The following KAT6A variants were observed in gnomAD, a reference collection of about 807,000 sequenced individuals.
The protein encoded by KAT6A is lysine acetyltransferase 6A, also known as histone acetyltransferase KAT6A.
KAT6A carries 9 observed loss-of-function variants against 198.4 expected under a neutral mutation model. The ratio of observed to expected loss-of-function variants is 0.05; its 90% CI spans 0.03 to 0.08. The LOEUF is 0.08. KAT6A is among the 10% of genes least tolerant of loss of function. The pLI, the probability that KAT6A is intolerant of heterozygous loss-of-function variation, is 1.00. For missense variants in KAT6A, 2,077 were observed against 2,509.9 expected, an observed-to-expected ratio of 0.83 and a Z score of 3.69; for synonymous variants, 890 against 883.0, an observed-to-expected ratio of 1.01 and a Z score of -0.14.
intron 2 of KAT6A, among the ~76,000 whole-genome samples, chr8:42,010,222 T>C (rs901353690): frequency 2.0e-5 from 3 of 152,214 alleles, no homozygotes; most frequent in Admixed American, 6.5e-5. Flanking sequence ...AGAGAATCGC[T>C]TGAACCCAGG....
At chr8:41,997,103 A>G (rs1825252958) in intron 2 of KAT6A, among the ~76,000 whole-genome samples, 1 of 152,218 alleles carries the variant, frequency 6.6e-6, no homozygotes, top group South Asian at 2.1e-4. Flanking sequence ...GATGGAAAAG[A>G]AATTGATGGT....
At chr8:41,952,665 T>G (rs1822723139) in intron 9 of KAT6A, among the ~76,000 whole-genome samples, 1 of 152,210 alleles carries the variant, frequency 6.6e-6, no homozygotes, top group South Asian at 2.1e-4. Context: ...TACGTTACAG[T>G]GTTTGAAACC....
chr8:41,942,054 T>A (rs1355442039), intron 14 of KAT6A: 1 of 186,832 alleles, frequency 5.4e-6, no homozygotes, highest in African/African-American at 2.3e-5. Flanking sequence ...AGGCATGGGA[T>A]TTTTTATGTT....
At chr8:41,966,082 T>C (rs918453046) in intron 8 of KAT6A, among the ~76,000 whole-genome samples, 1 of 152,188 alleles carries the variant, frequency 6.6e-6, no homozygotes, top group Admixed American at 6.5e-5. Flanking sequence ...GGCAAGTCAC[T>C]ATCAGATTTG....
chr8:41,948,236 G>A (rs950527335), intron 10 of KAT6A, among the ~76,000 whole-genome samples: 5 of 152,138 alleles, frequency 3.3e-5, no homozygotes, highest in South Asian at 2.1e-4. Context: ...AGCAAGTTTC[G>A]TTTTCAAAGT....
chr8:41,941,197 G>A lies in KAT6A; in HGVS notation c.2684C>T (p.Pro895Leu). 1 of 1,614,122 alleles carries A rather than the reference G, an allele frequency of 6.2e-7. No homozygotes were observed. Among genetic ancestry groups the A allele is most frequent in the Non-Finnish European group, 8.5e-7 (1 of 1,180,022 alleles). The part of the protein sequence containing the change: ...KLLLEETSSA[P>L]QEQYGECGEK... ...CCCACATTCTCCATATTGTTCCTGA[G>A]GAGCTGAAGACGTCTCTTCCAAGAG... is the stretch of plus-strand genomic sequence containing the variant. The change falls in exon 15 of 17, where the codon CCT becomes CTT. Residue 895 changes from proline to leucine, a missense_variant. Physicochemically the swap from Pro to Leu is moderately conservative, Grantham distance 98 (BLOSUM62 -3). Transcript: ENST00000265713.
chr8:42,000,176 T>C (rs1170806053), intron 2 of KAT6A, among the ~76,000 whole-genome samples: 1 of 152,216 alleles, frequency 6.6e-6, no homozygotes, highest in Non-Finnish European at 1.5e-5. Flanking sequence ...ACACTGCATA[T>C]TACCCACTTA....
intron 9 of KAT6A, among the ~76,000 whole-genome samples, chr8:41,951,113 T>G (rs1454908490): frequency 6.6e-6 from 1 of 151,586 alleles, no homozygotes; most frequent in Non-Finnish European, 1.5e-5. Context: ...CTCCAGTAAA[T>G]GAAGAGTTCA....
In KAT6A at chr8:42,050,936, G is replaced by C. The variant is rs1007151510; in HGVS notation, c.-326+965C>G. 2.0e-5 allele frequency among the ~76,000 whole-genome samples: 3 copies of C among 152,060 alleles called. No individual in the cohort carries two copies. The South Asian group carries it at 6.2e-4, about 32-fold the overall frequency. On this transcript the variant is annotated intron_variant, in intron 1 of 16. Coordinates refer to ENST00000265713, the MANE Select transcript of KAT6A (RefSeq NM_006766.5). ...GCTAGAGCGAGCGCAACTCGCTTCC[G>C]ACAGTCCTTCCCGTCCCCATTCCCC... is the stretch of plus-strand genomic sequence containing the variant.
rs138999142 is a variant in KAT6A at position 41,971,069 on chromosome 8, G to A, written c.1482+3635C>T. On this transcript the variant is annotated intron_variant, in intron 8 of 16. Transcript: ENST00000265713. The stretch of plus-strand genomic sequence containing the variant: ...AGGGGAACATCACACACCGGGGCCT[G>A]TTGTGGGGTGGGAGGAGGGGGGAGG... Among the ~76,000 whole-genome samples the A allele has an allele frequency of 4.5e-4, 68 of 151,718 alleles. 1 individual carries two copies. In the East Asian group the frequency reaches 0.012, roughly 26 times the overall value.
intron 8 of KAT6A, among the ~76,000 whole-genome samples, chr8:41,972,407 A>T (rs1823841170): frequency 6.6e-6 from 1 of 152,218 alleles, no homozygotes; most frequent in African/African-American, 2.4e-5. Flanking sequence ...AAGATACTTA[A>T]TTATAGGTAG....
chr8:42,030,779 T>G (rs1189599422), intron 2 of KAT6A, among the ~76,000 whole-genome samples: 1 of 151,932 alleles, frequency 6.6e-6, no homozygotes, highest in Non-Finnish European at 1.5e-5. Context: ...GGTTTCACCA[T>G]GTTGGTCAGG....
chr8:41,937,375 T>G lies in KAT6A; in HGVS notation c.3233A>C (p.Glu1078Ala). The change falls in exon 16 of 17, where the codon GAA becomes GCA. Residue 1078 changes from glutamate to alanine, a missense_variant. Physicochemically the swap from Glu to Ala is moderately radical, Grantham distance 107. Coordinates refer to ENST00000265713, the MANE Select transcript of KAT6A (RefSeq NM_006766.5). ...DEEEEEEDEN[E>A]LFPREYFRRL... ...ACGGAAGTATTCTCTAGGGAAAAGTTCATTTTCATCCTCTTCCTCCTCTTC... is the reference window on the plus strand; with the variant it reads ...ACGGAAGTATTCTCTAGGGAAAAGTGCATTTTCATCCTCTTCCTCCTCTTC... 1 of 1,614,128 alleles carries G rather than the reference T, an allele frequency of 6.2e-7. No homozygotes were observed.
chr8:41,984,382 C>A (rs1000366954), intron 3 of KAT6A, among the ~76,000 whole-genome samples: 4 of 152,186 alleles, frequency 2.6e-5, no homozygotes, highest in African/African-American at 4.8e-5. Context: ...GTGAAGATGT[C>A]CACATGGCAC....
At chr8:41,935,810 T>C (rs965279424) in intron 16 of KAT6A, among the ~76,000 whole-genome samples, 6 of 152,230 alleles carry the variant, frequency 3.9e-5, no homozygotes, top group Non-Finnish European at 7.3e-5. Flanking sequence ...TCAGGGGTAC[T>C]ATTTTAGTGT....
intron 7 of KAT6A, 56 bp downstream of exon 7, chr8:41,976,952 C>T (rs1381043815): frequency 2.2e-5 from 29 of 1,339,742 alleles, no homozygotes; most frequent in South Asian, 1.5e-4. Flanking sequence ...TAGTGTTATC[C>T]CGAATAATAC....
chr8:42,051,265 T>G (rs1802617697), intron 1 of KAT6A, among the ~76,000 whole-genome samples: 1 of 151,388 alleles, frequency 6.6e-6, no homozygotes, highest in Non-Finnish European at 1.5e-5. Flanking sequence ...CCTCGGCGGC[T>G]GGGCTGACAG....
chr8:42,050,938 C>T (rs1264728936), intron 1 of KAT6A, among the ~76,000 whole-genome samples: 1 of 152,180 alleles, frequency 6.6e-6, no homozygotes, highest in African/African-American at 2.4e-5. Context: ...TCGCTTCCGA[C>T]AGTCCTTCCC....
In KAT6A at chr8:41,987,560, C is replaced by A. The variant is rs1200359966; in HGVS notation, c.604G>T (p.Val202Phe). The change falls in exon 3 of 17, where the codon GTT becomes TTT. Residue 202 changes from valine to phenylalanine, a missense_variant. Physicochemically the swap from Val to Phe is conservative, Grantham distance 50 (BLOSUM62 -1). Transcript: ENST00000265713. The part of the protein sequence containing the change: ...SLLPHEKDKP[V>F]AEPIPICSFC... ...CTACAGATGGGGATTGGTTCAGCAA[C>A]CGGCTGTGAAGAAAAACACAATTCA... The A allele has an allele frequency of 1.3e-6, 2 of 1,595,390 alleles. No individual in the cohort carries two copies. The highest frequency in any genetic ancestry group is 1.7e-6 in the Non-Finnish European group (2 of 1,163,710).
Sources: allele counts gnomAD v4.1 joint callset (sites outside exome capture counted in the v4.1 genomes callset), GRCh38; gene constraint gnomAD v4.1.1; transcripts MANE v1.5; gene names NCBI Gene and HGNC (gene_info 2026-07-23, HGNC 2026-07-21).